The following PCDH15 variants were observed in gnomAD, a reference collection of about 807,000 sequenced individuals.
PCDH15 encodes the protein protocadherin related 15.
In PCDH15, 129 loss-of-function variants were observed where a neutral mutation model predicts 178.5. That is an observed-to-expected ratio of 0.72 (90% CI 0.63 to 0.84). The LOEUF is 0.84. PCDH15 is among the 40% of genes least tolerant of loss of function. The pLI, the probability that PCDH15 is intolerant of heterozygous loss-of-function variation, is 0.00. For missense variants in PCDH15, 2,230 were observed against 2,099.9 expected, an observed-to-expected ratio of 1.06 and a Z score of -1.21; for synonymous variants, 800 against 732.0, an observed-to-expected ratio of 1.09 and a Z score of -1.50.
chr10:55,380,895 C>G (rs1837517958), intron 2 of PCDH15, among the ~76,000 whole-genome samples: 1 of 152,104 alleles, frequency 6.6e-6, no homozygotes, highest in Non-Finnish European at 1.5e-5. Flanking sequence ...AAGTGAGATA[C>G]AGAGACACAG....
In PCDH15 at chr10:54,772,969, G is replaced by A. The variant is rs143603371; in HGVS notation, c.-29+27956C>T. Among the ~76,000 whole-genome samples, 1,113 of 152,178 alleles carry A rather than the reference G, an allele frequency of 7.3e-3. 4 individuals are homozygous for A. Among genetic ancestry groups the A allele is most frequent in the Middle Eastern group, 0.014 (4 of 294 alleles). ...ATGAGATCATGACCTTTGAAGGGACGTGGATGGAGCTGGAAGCCATTATCC... is the reference window on the plus strand; with the variant it reads ...ATGAGATCATGACCTTTGAAGGGACATGGATGGAGCTGGAAGCCATTATCC... On this transcript the variant is annotated intron_variant, in intron 1 of 37. Transcript: ENST00000644397.
chr10:54,375,309 G>A (rs1948230262), intron 4 of PCDH15, among the ~76,000 whole-genome samples: 1 of 152,062 alleles, frequency 6.6e-6, no homozygotes, highest in Admixed American at 6.6e-5. Context: ...AAACAAGGAA[G>A]TGGAGTAAAA....
intron 2 of PCDH15, among the ~76,000 whole-genome samples, chr10:55,112,525 GA>G (rs769085526): frequency 6.6e-6 from 1 of 152,164 alleles, no homozygotes; most frequent in Non-Finnish European, 1.5e-5. Context: ...AGGTGAGCAA[GA>G]AGCAAGATAA....
chr10:54,165,753 ACTACT>A (rs2133514311), intron 13 of PCDH15, among the ~76,000 whole-genome samples: 1 of 152,286 alleles, frequency 6.6e-6, no homozygotes, highest in African/African-American at 2.4e-5. Flanking sequence ...CCAAATCTAA[ACTACT>A]CTACATGCAA....
At chr10:53,953,215 A>G (rs745869503) in intron 23 of PCDH15, among the ~76,000 whole-genome samples, 12 of 152,254 alleles carry the variant, frequency 7.9e-5, no homozygotes, top group Non-Finnish European at 1.6e-4. Flanking sequence ...GTATGAAGAG[A>G]TATATATTTC....
At chr10:55,242,288 T>A (rs966203038) in intron 1 of PCDH15, among the ~76,000 whole-genome samples, 1 of 152,130 alleles carries the variant, frequency 6.6e-6, no homozygotes, top group African/African-American at 2.4e-5. Flanking sequence ...TTCCTGCTTG[T>A]ATGTGCAAAG....
chr10:54,763,887 T>C (rs1394158827), intron 1 of PCDH15, among the ~76,000 whole-genome samples: 2 of 151,056 alleles, frequency 1.3e-5, no homozygotes, highest in Non-Finnish European at 1.5e-5. Context: ...TTAGCCTTTT[T>C]CTAAGTTTCA....
intron 8 of PCDH15, among the ~76,000 whole-genome samples, chr10:54,263,705 C>T (rs35323104): frequency 5.3e-5 from 8 of 152,086 alleles, no homozygotes; most frequent in Non-Finnish European, 8.8e-5. Context: ...ACATACACCA[C>T]AGTCATACTT....
At chr10:55,016,205 G>T (rs573933383) in intron 2 of PCDH15, among the ~76,000 whole-genome samples, 1 of 151,510 alleles carries the variant, frequency 6.6e-6, no homozygotes, top group African/African-American at 2.4e-5. Context: ...AATCACATCA[G>T]GGTAAATGTA....
chr10:55,506,918 T>C (rs949333214), intron 2 of PCDH15, among the ~76,000 whole-genome samples: 3 of 151,510 alleles, frequency 2.0e-5, no homozygotes, highest in Admixed American at 6.6e-5. Flanking sequence ...TGAAAGCTGA[T>C]TGAATATTCA....
intron 2 of PCDH15, among the ~76,000 whole-genome samples, chr10:54,915,217 A>C (rs1954880548): frequency 6.6e-6 from 1 of 152,222 alleles, no homozygotes; most frequent in African/African-American, 2.4e-5. Context: ...TTTGTGTCTA[A>C]GATCTGATGA....
intron 3 of PCDH15, among the ~76,000 whole-genome samples, chr10:54,506,601 G>T (rs11004342): frequency 1.3e-5 from 2 of 151,932 alleles, no homozygotes; most frequent in Admixed American, 6.6e-5. Flanking sequence ...TAACACTTTT[G>T]GGTCTAATAG....
chr10:55,235,421 A>C (rs1009087249), intron 1 of PCDH15, among the ~76,000 whole-genome samples: 11 of 152,066 alleles, frequency 7.2e-5, no homozygotes, highest in Admixed American at 1.3e-4. Context: ...ACTGATTTAC[A>C]CCTTAAAAAT....
At chr10:55,345,203 T>A (rs1844719145) in intron 2 of PCDH15, among the ~76,000 whole-genome samples, 2 of 152,108 alleles carry the variant, frequency 1.3e-5, no homozygotes, top group Admixed American at 6.6e-5. Flanking sequence ...TGATACTTAT[T>A]TTTGATTAAA....
chr10:54,047,795 TTTTC>T (rs1382682201), intron 18 of PCDH15, among the ~76,000 whole-genome samples: 2 of 152,214 alleles, frequency 1.3e-5, no homozygotes, highest in Non-Finnish European at 1.5e-5. Flanking sequence ...ATGTACCATA[TTTTC>T]TTTATCAAAT....
chr10:54,113,853 C>T (rs2095067541), intron 15 of PCDH15, among the ~76,000 whole-genome samples: 2 of 151,986 alleles, frequency 1.3e-5, no homozygotes, highest in African/African-American at 2.4e-5. Flanking sequence ...GAAAAAAAGG[C>T]CTCCACATGG....
At chr10:53,998,841 C>T (rs1221146124) in intron 20 of PCDH15, among the ~76,000 whole-genome samples, 1 of 151,802 alleles carries the variant, frequency 6.6e-6, no homozygotes, top group Non-Finnish European at 1.5e-5. Flanking sequence ...CACCCAAGGT[C>T]AGGAGTTCGA....
intron 25 of PCDH15, among the ~76,000 whole-genome samples, chr10:53,907,946 G>A (rs1457251925): frequency 6.6e-6 from 1 of 152,050 alleles, no homozygotes; most frequent in East Asian, 1.9e-4. Flanking sequence ...TAATAATCAA[G>A]ACTGTGATGC....
At chr10:55,533,551 TA>T (rs1278804082) in intron 2 of PCDH15, among the ~76,000 whole-genome samples, 1 of 151,920 alleles carries the variant, frequency 6.6e-6, no homozygotes, top group African/African-American at 2.4e-5. Context: ...AGGAGAACTA[TA>T]AAACATTGAT....
Sources: gnomAD v4.1 joint callset for allele counts (sites outside exome capture counted in the v4.1 genomes callset) on GRCh38, gnomAD v4.1.1 for gene constraint, MANE v1.5 for transcripts, NCBI Gene and HGNC (gene_info 2026-07-23, HGNC 2026-07-21) for gene names.